MAP2K1: variants seen among roughly 807,000 people sequenced by gnomAD.
MAP2K1 encodes the protein mitogen-activated protein kinase kinase 1, also known as dual specificity mitogen-activated protein kinase kinase 1.
In MAP2K1, 16 loss-of-function variants were observed where a neutral mutation model predicts 46.3. The ratio of observed to expected loss-of-function variants is 0.35; its 90% confidence interval spans 0.23 to 0.52. MAP2K1 has a LOEUF of 0.52. MAP2K1 is among the 20% of genes least tolerant of loss of function. The pLI is 0.94. For synonymous variants in MAP2K1, 183 were observed against 185.6 expected (o/e 0.99, Z 0.11); for missense variants, 263 against 497.1 (o/e 0.53, Z 4.48).
intron 5 of MAP2K1, among the ~76,000 whole-genome samples, chr15:66,448,848 T>C (rs1567014034): frequency 1.3e-5 from 2 of 151,064 alleles, no homozygotes; most frequent in Non-Finnish European, 3.0e-5. Context: ...ACTAAAAATA[T>C]AAAAAATTAG....
At chr15:66,484,752 G>A (rs957100642) in intron 6 of MAP2K1, among the ~76,000 whole-genome samples, 3 of 152,230 alleles carry the variant, frequency 2.0e-5, no homozygotes, top group African/African-American at 4.8e-5. Flanking sequence ...CATGTGGTCT[G>A]TCAATTTAGG....
At chr15:66,446,256 C>T (rs369454724) in intron 5 of MAP2K1, among the ~76,000 whole-genome samples, 15 of 151,868 alleles carry the variant, frequency 9.9e-5, no homozygotes, top group African/African-American at 1.4e-4. Context: ...CTGGCTAACA[C>T]GATGAAACCC....
At chr15:66,398,545 G>A (rs1012408031) in intron 1 of MAP2K1, among the ~76,000 whole-genome samples, 1 of 151,902 alleles carries the variant, frequency 6.6e-6, no homozygotes, top group Admixed American at 6.6e-5. Context: ...TCAGCCCTTT[G>A]GGAGGCTGGG....
At chr15:66,406,206 A>T (rs910623941) in intron 1 of MAP2K1, among the ~76,000 whole-genome samples, 2 of 152,218 alleles carry the variant, frequency 1.3e-5, no homozygotes, top group Non-Finnish European at 2.9e-5. Flanking sequence ...CTTATTATGG[A>T]CAAGTTGAAT....
chr15:66,406,543 T>C (rs982732168), intron 1 of MAP2K1, among the ~76,000 whole-genome samples: 1 of 152,226 alleles, frequency 6.6e-6, no homozygotes. Flanking sequence ...AACAGACTCA[T>C]GGTTTAGAAA....
chr15:66,413,896 T>A (rs2140541391), intron 1 of MAP2K1, among the ~76,000 whole-genome samples: 1 of 128,798 alleles, frequency 7.8e-6, no homozygotes, highest in Non-Finnish European at 1.6e-5. Context: ...TTGTTCTTAT[T>A]TTTTTCTTCT....
chr15:66,427,281 T>C (rs371713165), intron 1 of MAP2K1, among the ~76,000 whole-genome samples: 7 of 152,282 alleles, frequency 4.6e-5, no homozygotes, highest in Admixed American at 2.0e-4. Context: ...ACATTTGGGC[T>C]GGGGGTGGTG....
chr15:66,443,393 C>G (rs1331579677), intron 4 of MAP2K1, 36 bp downstream of exon 4: 1 of 1,268,570 alleles, frequency 7.9e-7, no homozygotes, highest in Non-Finnish European at 1.2e-6. Flanking sequence ...CTAAGTTCCT[C>G]ATTGATAAGT....
At chr15:66,473,966 G>C (rs1455485400) in intron 5 of MAP2K1, among the ~76,000 whole-genome samples, 1 of 152,192 alleles carries the variant, frequency 6.6e-6, no homozygotes, top group Admixed American at 6.5e-5. Flanking sequence ...ACAGGCCTGA[G>C]CCACCATGCC....
chr15:66,402,416 G>T (rs946366024), intron 1 of MAP2K1, among the ~76,000 whole-genome samples: 7 of 152,220 alleles, frequency 4.6e-5, no homozygotes, highest in African/African-American at 1.7e-4. Flanking sequence ...GTATTTTCAG[G>T]TTTACCTTGG....
rs1276514677 is a variant in MAP2K1 at position 66,434,708 on chromosome 15, A to G, written c.81-319A>G. The stretch of plus-strand genomic sequence containing the variant: ...TAAACTGGGGTTTTAAAGCAAATTA[A>G]GGTGGCTCATTCTGGATTTTAGTAG... On this transcript the variant is annotated intron_variant, in intron 1 of 10. Coordinates refer to ENST00000307102, the MANE Select transcript of MAP2K1 (RefSeq NM_002755.4). Among the ~76,000 whole-genome samples the G allele has an allele frequency of 3.9e-5, 6 of 152,238 alleles. 1 individual carries two copies. Among genetic ancestry groups the G allele is most frequent in the Middle Eastern group, 3.2e-3 (1 of 316 alleles).
intron 5 of MAP2K1, among the ~76,000 whole-genome samples, chr15:66,452,992 A>T (rs563600219): frequency 6.6e-6 from 1 of 152,322 alleles, no homozygotes; most frequent in East Asian, 1.9e-4. Flanking sequence ...AAGGTTTGTT[A>T]CATGGATGGA....
At chr15:66,481,726 C>T (rs752017079) in intron 5 of MAP2K1, 29 bp from the exon 6 acceptor site, 4 of 1,608,572 alleles carry the variant, frequency 2.5e-6, no homozygotes, top group Non-Finnish European at 3.4e-6. Flanking sequence ...GTGTCAGTTC[C>T]CTCCTTTTCT....
At chr15:66,402,142 A>G (rs2140526757) in intron 1 of MAP2K1, among the ~76,000 whole-genome samples, 1 of 152,338 alleles carries the variant, frequency 6.6e-6, no homozygotes, top group Admixed American at 6.5e-5. Context: ...TTCATTTTTA[A>G]ATATTCAAAA....
intron 1 of MAP2K1, among the ~76,000 whole-genome samples, chr15:66,403,846 G>T (rs569857251): frequency 3.3e-5 from 5 of 152,244 alleles, no homozygotes; most frequent in Admixed American, 2.6e-4. Context: ...AGAATTATTT[G>T]CCCCCTTTGC....
intron 1 of MAP2K1, among the ~76,000 whole-genome samples, chr15:66,431,167 T>C (rs2140571904): frequency 6.6e-6 from 1 of 152,314 alleles, no homozygotes; most frequent in East Asian, 1.9e-4. Context: ...CTGATTTCAG[T>C]TAAAACTAAA....
chr15:66,437,162 T>A (rs1233350894), intron 3 of MAP2K1, among the ~76,000 whole-genome samples: 1 of 152,220 alleles, frequency 6.6e-6, no homozygotes, highest in African/African-American at 2.4e-5. Context: ...TTGATTCTGA[T>A]TACCCTAAGA....
chr15:66,431,687 T>A (rs1473273883), intron 1 of MAP2K1, among the ~76,000 whole-genome samples: 2 of 149,644 alleles, frequency 1.3e-5, no homozygotes, highest in African/African-American at 2.6e-5. Flanking sequence ...GAAATTCTTA[T>A]TTTTTTGTTG....
chr15:66,429,383 C>G (rs1252297061), intron 1 of MAP2K1, among the ~76,000 whole-genome samples: 1 of 152,102 alleles, frequency 6.6e-6, no homozygotes, highest in Non-Finnish European at 1.5e-5. Context: ...AAAACTGCCC[C>G]CATGACTCAA....
Sources: allele counts gnomAD v4.1 joint callset (sites outside exome capture counted in the v4.1 genomes callset), GRCh38; gene constraint gnomAD v4.1.1; transcripts MANE v1.5; gene names NCBI Gene and HGNC (gene_info 2026-07-23, HGNC 2026-07-21).